TTC28: variants seen among roughly 807,000 people sequenced by gnomAD.
TTC28 encodes the protein tetratricopeptide repeat domain 28, also known as tetratricopeptide repeat protein 28.
Under a neutral mutation model 198.0 loss-of-function variants are expected in TTC28, and 61 were observed. That is an observed-to-expected ratio of 0.31 (90% confidence interval 0.25 to 0.38). The LOEUF (loss-of-function observed/expected upper bound fraction) is 0.38, where lower values mean the gene tolerates loss of function less well. Among genes scored for constraint, TTC28 ranks in the 10% least tolerant of loss-of-function variants. The probability of loss-of-function intolerance (pLI) is 1.00; values close to 1 mark genes in which losing one functional copy is unlikely to be tolerated. For missense variants in TTC28, 2,678 were observed against 3,164.0 expected (o/e 0.85, Z 3.69); for synonymous variants, 1,171 against 1,297.8 (o/e 0.90, Z 2.10).
intron 2 of TTC28, among the ~76,000 whole-genome samples, chr22:28,343,685 G>A (rs1271740573): frequency 6.6e-6 from 1 of 152,176 alleles, no homozygotes; most frequent in Non-Finnish European, 1.5e-5. Context: ...TTTGTAACAT[G>A]TGAAAACATC....
intron 2 of TTC28, among the ~76,000 whole-genome samples, chr22:28,450,890 C>T (rs534477046): frequency 1.3e-5 from 2 of 152,108 alleles, no homozygotes; most frequent in African/African-American, 4.8e-5. Context: ...TGACATGAGC[C>T]CTATGATCAC....
chr22:28,232,374 A>C (rs1315770328), intron 5 of TTC28, among the ~76,000 whole-genome samples: 1 of 152,228 alleles, frequency 6.6e-6, no homozygotes, highest in Non-Finnish European at 1.5e-5. Context: ...AAGAGGCCTC[A>C]TGGGGCAGCC....
intron 5 of TTC28, among the ~76,000 whole-genome samples, chr22:28,282,271 T>C (rs1017108506): frequency 6.6e-6 from 1 of 152,334 alleles, no homozygotes; most frequent in African/African-American, 2.4e-5. Flanking sequence ...TTCCTTTGCA[T>C]AGCTACAGGG....
In TTC28 at chr22:28,259,676, AT is replaced by A. The variant is rs924291764; in HGVS notation, c.933+36521del. ...ATGAAAAGACAGCTCAATGGTTTGT[AT>A]TTTTTTTAAAAAGAATTGGCTAGCC... On this transcript the variant is annotated intron_variant, in intron 5 of 22. Coordinates refer to ENST00000397906, the MANE Select transcript of TTC28 (RefSeq NM_001145418.2). Among the ~76,000 whole-genome samples, 3 of 152,076 alleles carry A rather than the reference AT, an allele frequency of 2.0e-5. No individual in the cohort carries two copies. In the East Asian group the frequency reaches 5.8e-4, roughly 29 times the overall value.
chr22:28,253,674 A>G (rs1434770673), intron 5 of TTC28, among the ~76,000 whole-genome samples: 1 of 152,188 alleles, frequency 6.6e-6, no homozygotes, highest in Admixed American at 6.5e-5. Flanking sequence ...GCTAGGTGTG[A>G]TATTTAAAAT....
chr22:28,326,666 A>G (rs772532487), intron 2 of TTC28, among the ~76,000 whole-genome samples: 1 of 152,200 alleles, frequency 6.6e-6, no homozygotes, highest in Non-Finnish European at 1.5e-5. Context: ...TATCAGAAGA[A>G]AGCATTGACA....
At chr22:28,230,935 G>A (rs1237522358) in intron 5 of TTC28, among the ~76,000 whole-genome samples, 1 of 152,182 alleles carries the variant, frequency 6.6e-6, no homozygotes, top group East Asian at 1.9e-4. Context: ...ACCTATGTGG[G>A]AAGCCTGTAC....
At chr22:28,441,209 CAT>C (rs921294309) in intron 2 of TTC28, among the ~76,000 whole-genome samples, 3 of 152,202 alleles carry the variant, frequency 2.0e-5, no homozygotes, top group South Asian at 2.1e-4. Context: ...GACATAACCA[CAT>C]GAGTTACTGC....
At chr22:28,646,850 C>T (rs923317675) in intron 1 of TTC28, among the ~76,000 whole-genome samples, 111 of 151,886 alleles carry the variant, frequency 7.3e-4, no homozygotes, top group African/African-American at 2.4e-3. Context: ...GGCGACAGAA[C>T]GAAACTCTGT....
At position 28,217,253 on chromosome 22, in the gene TTC28, C is replaced by T. The variant is rs531628354; in HGVS notation, c.934-53654G>A. Among the ~76,000 whole-genome samples, 10 of 151,852 alleles carry T rather than the reference C, an allele frequency of 6.6e-5. No homozygotes were observed. The South Asian group carries it at 8.3e-4, about 13-fold the overall frequency. The stretch of plus-strand genomic sequence containing the variant: ...CTCATGTACCCTATCAATATATATA[C>T]CTACTATGCACATGCAAAAAATAAA... On this transcript the variant is annotated intron_variant, in intron 5 of 22. Coordinates refer to ENST00000397906, the MANE Select transcript of TTC28 (RefSeq NM_001145418.2).
At chr22:28,378,952 T>C (rs2046454760) in intron 2 of TTC28, among the ~76,000 whole-genome samples, 1 of 151,984 alleles carries the variant, frequency 6.6e-6, no homozygotes, top group South Asian at 2.1e-4. Context: ...ATAAAAACTA[T>C]ACCAAGACAC....
intron 2 of TTC28, among the ~76,000 whole-genome samples, chr22:28,465,620 G>A (rs1002405525): frequency 4.7e-5 from 7 of 149,328 alleles, no homozygotes; most frequent in East Asian, 4.0e-4. Flanking sequence ...GCGAAACTCC[G>A]TCTCAAAAAA....
chr22:28,418,784 T>C (rs2047203550), intron 2 of TTC28, among the ~76,000 whole-genome samples: 1 of 152,230 alleles, frequency 6.6e-6, no homozygotes, highest in South Asian at 2.1e-4. Context: ...CAATACCACT[T>C]GAACACTGAA....
intron 6 of TTC28, 129 bp from the exon 7 acceptor site, chr22:28,108,532 A>C (rs1569144193): frequency 7.4e-6 from 6 of 813,806 alleles, no homozygotes. Context: ...AAAATAACAG[A>C]AGGTAGAATT....
chr22:28,386,400 G>C (rs1007098264), intron 2 of TTC28, among the ~76,000 whole-genome samples: 1 of 149,448 alleles, frequency 6.7e-6, no homozygotes, highest in East Asian at 2.0e-4. Context: ...GCTCTCTCAT[G>C]ATGGGCAGGG....
intron 2 of TTC28, among the ~76,000 whole-genome samples, chr22:28,540,595 GTTTTCATCCTTGA>G: frequency 6.6e-6 from 1 of 152,078 alleles, no homozygotes; most frequent in African/African-American, 2.4e-5. Flanking sequence ...CTTTAATACT[GTTTTCATCCTTGA>G]TTTATTATTT....
intron 2 of TTC28, among the ~76,000 whole-genome samples, chr22:28,510,616 G>A (rs2048674533): frequency 6.6e-6 from 1 of 151,930 alleles, no homozygotes; most frequent in African/African-American, 2.4e-5. Context: ...AGAAGACAAG[G>A]ATGCCCCCTC....
In TTC28 at chr22:28,447,011, T is replaced by G. The variant is rs551725071; in HGVS notation, c.382-140368A>C. ...CACTTGACAGAAAACAAAACTGAAG[T>G]TCAGAGTACCTAAGTAACCTGTGCA... is the stretch of plus-strand genomic sequence containing the variant. On this transcript the variant is annotated intron_variant, in intron 2 of 22. Transcript: ENST00000397906. Among the ~76,000 whole-genome samples, 333 of 152,268 alleles carry G rather than the reference T, an allele frequency of 2.2e-3. 3 individuals are homozygous for G. The highest frequency in any genetic ancestry group is 7.6e-3 in the African/African-American group (316 of 41,548).
chr22:28,619,260 T>C (rs529857541), intron 2 of TTC28, among the ~76,000 whole-genome samples: 1 of 152,328 alleles, frequency 6.6e-6, no homozygotes, highest in South Asian at 2.1e-4. Context: ...GCTACGTGCC[T>C]AACATTTTAT....
Sources: allele counts gnomAD v4.1 joint callset (sites outside exome capture counted in the v4.1 genomes callset), GRCh38; gene constraint gnomAD v4.1.1; transcripts MANE v1.5; gene names NCBI Gene and HGNC (gene_info 2026-07-23, HGNC 2026-07-21).